Variants in ATP2C2 observed in about 807,000 individuals in gnomAD.
ATP2C2 encodes calcium-transporting ATPase type 2C member 2.
ATP2C2 carries 171 observed loss-of-function variants against 110.8 expected under a neutral mutation model. The ratio of observed to expected loss-of-function variants is 1.54; its 90% confidence interval spans 1.36 to 1.75. The LOEUF (loss-of-function observed/expected upper bound fraction) is 1.75, where lower values mean the gene tolerates loss of function less well. ATP2C2 is among the 40% of genes most tolerant of loss of function. The pLI, the probability that ATP2C2 is intolerant of heterozygous loss-of-function variation, is 0.00. For missense variants in ATP2C2, 1,963 were observed against 1,235.0 expected (o/e 1.59, Z -8.84); for synonymous variants, 804 against 508.4 (o/e 1.58, Z -7.82).
At chr16:84,418,150 G>A (rs1322942367) in intron 7 of ATP2C2, among the ~76,000 whole-genome samples, 1 of 152,226 alleles carries the variant, frequency 6.6e-6, no homozygotes, top group Non-Finnish European at 1.5e-5. Context: ...CGGAGGTGAT[G>A]GGACTCCAAG....
chr16:84,407,738 C>T (rs1257380887), intron 3 of ATP2C2, among the ~76,000 whole-genome samples: 1 of 152,156 alleles, frequency 6.6e-6, no homozygotes, highest in African/African-American at 2.4e-5. Flanking sequence ...TCCCAAAGGG[C>T]TGGGATTACA....
chr16:84,424,576 C>CTTTTTTTTTTTTTTTTTTTT (rs371614449), intron 10 of ATP2C2, among the ~76,000 whole-genome samples: 13 of 114,860 alleles, frequency 1.1e-4, no homozygotes, highest in African/African-American at 4.0e-4. Context: ...CCGCACTGGG[C>CTTTTTTTTTTTTTTTTTTTT]TTTTTTTTTT....
intron 1 of ATP2C2, among the ~76,000 whole-genome samples, chr16:84,388,799 G>A (rs904393865): frequency 1.3e-5 from 2 of 152,096 alleles, no homozygotes; most frequent in African/African-American, 2.4e-5. Flanking sequence ...TTGAGATGGA[G>A]TCTCGCTCTG....
intron 1 of ATP2C2, among the ~76,000 whole-genome samples, chr16:84,369,324 C>T (rs1448448183): frequency 6.6e-6 from 1 of 152,140 alleles, no homozygotes; most frequent in Non-Finnish European, 1.5e-5. Context: ...AGTGGCAAAG[C>T]TGTCAAATAA....
At chr16:84,425,883 G>T in intron 11 of ATP2C2, 82 bp downstream of exon 11, 1 of 1,526,434 alleles carries the variant, frequency 6.6e-7, no homozygotes. Context: ...AGAAGGTGGG[G>T]AGGCTGCAGA....
chr16:84,399,466 G>A (rs1905191251), intron 2 of ATP2C2, among the ~76,000 whole-genome samples: 1 of 152,066 alleles, frequency 6.6e-6, no homozygotes, highest in Non-Finnish European at 1.5e-5. Flanking sequence ...CTTGTTATTG[G>A]CTTTTTAAAA....
At chr16:84,448,953 G>A (rs2278299) in intron 17 of ATP2C2, among the ~76,000 whole-genome samples, 24,835 of 152,146 alleles carry the variant, frequency 0.16, 2,491 homozygotes, top group East Asian at 0.51. Flanking sequence ...AGGTGAATGG[G>A]CTGCACCCCA....
At chr16:84,450,243 G>T (rs1348692805) in intron 17 of ATP2C2, among the ~76,000 whole-genome samples, 3 of 152,214 alleles carry the variant, frequency 2.0e-5, no homozygotes, top group Non-Finnish European at 4.4e-5. Context: ...CCTTAGAGAA[G>T]GCCTGTGCGT....
At chr16:84,433,036 A>G (rs965167597) in intron 11 of ATP2C2, among the ~76,000 whole-genome samples, 1 of 152,174 alleles carries the variant, frequency 6.6e-6, no homozygotes, top group African/African-American at 2.4e-5. Flanking sequence ...TTGAGCCTCA[A>G]GGAGGCTGCC....
intron 11 of ATP2C2, among the ~76,000 whole-genome samples, chr16:84,435,826 C>A (rs1567722462): frequency 6.7e-6 from 1 of 149,782 alleles, no homozygotes; most frequent in African/African-American, 2.5e-5. Flanking sequence ...GAACCTGCCT[C>A]AAAAAAAAAA....
In ATP2C2 at chr16:84,458,515, T is replaced by TAA. The variant is rs11404721; in HGVS notation, c.2148-597_2148-596dup. 3.2e-4 allele frequency among the ~76,000 whole-genome samples: 48 copies of TAA among 149,522 alleles called. 1 individual carries two copies. Among genetic ancestry groups the TAA allele is most frequent in the African/African-American group, 6.2e-4 (25 of 40,574 alleles). On this transcript the variant is annotated intron_variant, in intron 21 of 26. Coordinates refer to ENST00000262429, the MANE Select transcript of ATP2C2 (RefSeq NM_014861.4). ...TATAATAAAAAAAAAAAAATTTAAA[T>TAA]AAAAAAAAAGTCATAATATCAGCTC... is the stretch of plus-strand genomic sequence containing the variant.
intron 24 of ATP2C2, 130 bp from the exon 25 acceptor site, chr16:84,461,584 G>A (rs1227214999): frequency 9.9e-6 from 8 of 807,352 alleles, no homozygotes; most frequent in Non-Finnish European, 1.5e-5. Flanking sequence ...GAAGCTGTGT[G>A]ACCGATTCAT....
chr16:84,439,574 G>C, intron 13 of ATP2C2, 50 bp downstream of exon 13: 10 of 1,543,856 alleles, frequency 6.5e-6, no homozygotes, highest in Non-Finnish European at 9.0e-6. Context: ...CAGCCAGGCT[G>C]TCTCCTTTCT....
intron 1 of ATP2C2, among the ~76,000 whole-genome samples, chr16:84,397,500 C>T (rs1392194545): frequency 4.6e-5 from 7 of 151,150 alleles, no homozygotes; most frequent in South Asian, 2.1e-4. Context: ...CATAGGGAGA[C>T]CCTGTCCCTA....
intron 1 of ATP2C2, among the ~76,000 whole-genome samples, chr16:84,372,421 T>C (rs545796378): frequency 1.3e-5 from 2 of 152,136 alleles, no homozygotes; most frequent in Non-Finnish European, 2.9e-5. Context: ...CTTAAAGAAA[T>C]GTACTGCAAC....
intron 2 of ATP2C2, 23 bp downstream of exon 2, chr16:84,398,632 G>C: frequency 1.3e-6 from 2 of 1,557,320 alleles, no homozygotes; most frequent in Non-Finnish European, 1.8e-6. Context: ...TTTGCATCTG[G>C]AGCTAATTGT....
At chr16:84,426,181 T>A (rs1409339352) in intron 11 of ATP2C2, 5 of 202,166 alleles carry the variant, frequency 2.5e-5, no homozygotes, top group Non-Finnish European at 5.1e-5. Flanking sequence ...AAGTTTCCAA[T>A]CAAGGCGGAA....
At chr16:84,425,867 C>T (rs537822860) in intron 11 of ATP2C2, 66 bp downstream of exon 11, 45 of 1,565,084 alleles carry the variant, frequency 2.9e-5, no homozygotes, top group Admixed American at 1.3e-4. Flanking sequence ...CCTTCCCTGC[C>T]GCAAGAGAAG....
chr16:84,458,450 C>A (rs2150592535), intron 21 of ATP2C2, among the ~76,000 whole-genome samples: 1 of 143,386 alleles, frequency 7.0e-6, no homozygotes. Context: ...ACATATGTAA[C>A]TAACCTGCAC....
Sources: allele counts gnomAD v4.1 joint callset (sites outside exome capture counted in the v4.1 genomes callset), GRCh38; gene constraint gnomAD v4.1.1; transcripts MANE v1.5; gene names NCBI Gene and HGNC (gene_info 2026-07-23, HGNC 2026-07-21).